Variants in CDH4 observed in about 807,000 individuals in gnomAD.
CDH4 encodes the protein cadherin-4.
CDH4 carries 33 observed loss-of-function variants against 86.0 expected under a neutral mutation model. The observed-to-expected ratio is 0.38, with a 90% confidence interval of 0.29 to 0.51. The LOEUF (loss-of-function observed/expected upper bound fraction) is 0.51, where lower values mean the gene tolerates loss of function less well. CDH4 is among the 20% of genes least tolerant of loss of function. The pLI is 0.86. For missense variants in CDH4, 1,114 were observed against 1,307.4 expected (o/e 0.85, Z 2.28); for synonymous variants, 555 against 549.4 (o/e 1.01, Z -0.14).
intron 2 of CDH4, among the ~76,000 whole-genome samples, chr20:61,463,999 G>A (rs929421159): frequency 1.3e-5 from 2 of 152,224 alleles, no homozygotes; most frequent in African/African-American, 4.8e-5. Flanking sequence ...CTCTCTTACA[G>A]TAGCTCCTGG....
At chr20:61,864,384 C>T (rs542184636) in intron 6 of CDH4, among the ~76,000 whole-genome samples, 88 of 152,358 alleles carry the variant, frequency 5.8e-4, no homozygotes, top group African/African-American at 1.9e-3. Context: ...CCCCTGGTTT[C>T]GCCCACTTCC....
intron 2 of CDH4, among the ~76,000 whole-genome samples, chr20:61,521,580 G>A (rs984331884): frequency 8.5e-5 from 13 of 152,216 alleles, no homozygotes; most frequent in Admixed American, 3.3e-4. Flanking sequence ...ACAGAGGAGA[G>A]GCTGATGTGC....
chr20:61,840,885 G>A (rs1039345102), intron 4 of CDH4, among the ~76,000 whole-genome samples: 10 of 152,376 alleles, frequency 6.6e-5, no homozygotes, highest in Non-Finnish European at 8.8e-5. Flanking sequence ...TTTCAGAGGC[G>A]GCCAAACGGG....
chr20:61,755,348 C>T (rs1348825672), intron 3 of CDH4, among the ~76,000 whole-genome samples: 1 of 148,856 alleles, frequency 6.7e-6, no homozygotes, highest in Non-Finnish European at 1.5e-5. Flanking sequence ...ACACCACACA[C>T]ATAGTGCATG....
chr20:61,418,433 G>C (rs1198334838), intron 2 of CDH4, among the ~76,000 whole-genome samples: 1 of 151,970 alleles, frequency 6.6e-6, no homozygotes, highest in Non-Finnish European at 1.5e-5. Flanking sequence ...GGATGGTCTC[G>C]ATCTCCTGAC....
intron 2 of CDH4, among the ~76,000 whole-genome samples, chr20:61,589,981 G>C (rs566404505): frequency 2.0e-5 from 3 of 152,108 alleles, no homozygotes; most frequent in Admixed American, 1.3e-4. Flanking sequence ...GGAAGCAGCC[G>C]TGCCCAGCTG....
In CDH4 at chr20:61,401,892, C is replaced by G. The variant is rs568948972; in HGVS notation, c.169+146955C>G. Reference sequence around the variant, plus strand: ...AAGGGAGCCCAGGGGACAGAGGCCACAGTCACCTGTGACAAAAGCTGCTAG... The same window carrying G: ...AAGGGAGCCCAGGGGACAGAGGCCAGAGTCACCTGTGACAAAAGCTGCTAG... On this transcript the variant is annotated intron_variant, in intron 2 of 15. Transcript: ENST00000614565. Among the ~76,000 whole-genome samples the G allele has an allele frequency of 2.6e-5, 4 of 152,346 alleles. No homozygotes were observed. In the South Asian group the frequency reaches 8.3e-4, roughly 32 times the overall value.
intron 2 of CDH4, among the ~76,000 whole-genome samples, chr20:61,541,770 T>TA (rs2086041379): frequency 6.6e-6 from 1 of 152,216 alleles, no homozygotes; most frequent in African/African-American, 2.4e-5. Context: ...GGGTCCATGT[T>TA]ACTCTAGCTC....
intron 2 of CDH4, among the ~76,000 whole-genome samples, chr20:61,271,931 G>T (rs1013991292): frequency 6.6e-6 from 1 of 152,214 alleles, no homozygotes; most frequent in African/African-American, 2.4e-5. Flanking sequence ...AAGGCAGCTC[G>T]CTGATTGGGG....
rs779977125 is a variant in CDH4, at chr20:61,923,559, A to G, written c.1483A>G (p.Thr495Ala). 1.9e-6 allele frequency: 3 copies of G among 1,614,170 alleles called. No individual in the cohort carries two copies. Among genetic ancestry groups the G allele is most frequent in the South Asian group, 1.1e-5 (1 of 91,080 alleles). Reference sequence around the variant, plus strand: ...GTCCTTCCAGTCCACGGCAGGGGTGACCATCTCCATCATGGACATCAACGA... The same window carrying G: ...GTCCTTCCAGTCCACGGCAGGGGTGGCCATCTCCATCATGGACATCAACGA... ...QMSFQSTAGV[T>A]ISIMDINEAP... is the part of the protein sequence containing the mutation. The change falls in exon 10 of 16, where the codon ACC becomes GCC. Residue 495 changes from threonine (T) to alanine (A), a missense_variant. Thr to Ala is a moderately conservative substitution (Grantham distance 58). Coordinates refer to ENST00000614565, the MANE Select transcript of CDH4 (RefSeq NM_001794.5).
chr20:61,428,540 G>C (rs2085227001), intron 2 of CDH4, among the ~76,000 whole-genome samples: 1 of 152,134 alleles, frequency 6.6e-6, no homozygotes, highest in Non-Finnish European at 1.5e-5. Flanking sequence ...AAGACACTGT[G>C]GGCAATTCAT....
rs2055207260 is a variant in CDH4 at position 61,937,320 on chromosome 20, G to C, written c.*377G>C. 1 of 158,250 alleles carries C rather than the reference G, an allele frequency of 6.3e-6. No individual in the cohort carries two copies. The highest frequency in any genetic ancestry group is 6.6e-5 in the Admixed American group (1 of 15,098). 9.8% of individuals were successfully genotyped at this position (158,250 alleles called of 1,614,324 possible). ...TCCCTCAAACTCAGGAGTGTCTAAA[G>C]CAGACAGACCGTCCCCACCTTCCCA... is the stretch of plus-strand genomic sequence containing the variant. On this transcript the variant is annotated 3_prime_UTR_variant, in exon 16 of 16. Coordinates refer to ENST00000614565, the MANE Select transcript of CDH4 (RefSeq NM_001794.5).
chr20:61,444,425 GTA>G (rs1360296135), intron 2 of CDH4, among the ~76,000 whole-genome samples: 5 of 151,882 alleles, frequency 3.3e-5, no homozygotes, highest in East Asian at 1.9e-4. Flanking sequence ...GTATATATGT[GTA>G]TGTGTGTGTG....
chr20:61,319,269 C>T (rs2084495030), intron 2 of CDH4, among the ~76,000 whole-genome samples: 1 of 152,004 alleles, frequency 6.6e-6, no homozygotes, highest in South Asian at 2.1e-4. Context: ...AACTGAGGCT[C>T]AGGAAGGTGA....
At chr20:61,481,312 C>A (rs1032554432) in intron 2 of CDH4, among the ~76,000 whole-genome samples, 2 of 152,176 alleles carry the variant, frequency 1.3e-5, no homozygotes, top group African/African-American at 2.4e-5. Flanking sequence ...CCCAACAACA[C>A]AATTTCCTGG....
At chr20:61,531,049 C>T (rs994747550) in intron 2 of CDH4, among the ~76,000 whole-genome samples, 5 of 148,404 alleles carry the variant, frequency 3.4e-5, no homozygotes, top group Non-Finnish European at 7.5e-5. Context: ...ATTCGGTACA[C>T]AGAGCTGCTG....
chr20:61,500,616 CAG>C (rs955560617), intron 2 of CDH4, among the ~76,000 whole-genome samples: 11 of 152,160 alleles, frequency 7.2e-5, no homozygotes, highest in Admixed American at 1.3e-4. Flanking sequence ...TCTCAAGACA[CAG>C]AGAGGAAAAG....
chr20:61,523,692 A>G (rs759722918), intron 2 of CDH4, among the ~76,000 whole-genome samples: 14 of 152,204 alleles, frequency 9.2e-5, no homozygotes, highest in Non-Finnish European at 1.6e-4. Flanking sequence ...AGGGCACCAC[A>G]CGCTTCCGCC....
At chr20:61,691,668 C>T (rs971004555) in intron 2 of CDH4, among the ~76,000 whole-genome samples, 7 of 152,178 alleles carry the variant, frequency 4.6e-5, no homozygotes, top group South Asian at 2.1e-4. Flanking sequence ...TTGCTCCAGG[C>T]GGCAAACCTG....
Sources: gnomAD v4.1 joint callset for allele counts (sites outside exome capture counted in the v4.1 genomes callset) on GRCh38, gnomAD v4.1.1 for gene constraint, MANE v1.5 for transcripts, NCBI Gene and HGNC (gene_info 2026-07-23, HGNC 2026-07-21) for gene names.